TMEM229A: variants seen among roughly 807,000 people sequenced by gnomAD.
The protein encoded by TMEM229A is transmembrane protein 229A.
Under a neutral mutation model 30.0 loss-of-function variants are expected in TMEM229A, and 23 were observed. The observed-to-expected ratio is 0.77, with a 90% confidence interval of 0.55 to 1.09. TMEM229A has a LOEUF of 1.09. TMEM229A is among the 50% of genes least tolerant of loss of function. The probability of loss-of-function intolerance (pLI) is 0.00; values close to 1 mark genes in which losing one functional copy is unlikely to be tolerated. For missense variants in TMEM229A, 534 were observed against 525.9 expected (o/e 1.02, Z -0.15); for synonymous variants, 264 against 241.5 (o/e 1.09, Z -0.86).
Position 124,032,057 on chromosome 7 carries a change from A to C in TMEM229A, c.947T>G (p.Phe316Cys). ...TWKRVPIYVI[F>C]IYVWELSWGL... is the part of the protein sequence containing the mutation. ...CCAGGACAGCTCCCACACGTAGATG[A>C]AGATCACGTAGATGGGCACCCGCTT... The change falls in exon 1 of 1, where the codon TTC (phenylalanine) becomes TGC (cysteine). Residue 316 changes from phenylalanine to cysteine, a missense_variant. Physicochemically the swap from Phe to Cys is radical, Grantham distance 205. Transcript: ENST00000455783. The surrounding 1 kb of genome is among the most constrained non-coding windows in gnomAD (Gnocchi z 6.6). The C allele has an allele frequency of 6.4e-7, 1 of 1,551,658 alleles. No individual in the cohort carries two copies. Among genetic ancestry groups the C allele is most frequent in the African/African-American group, 1.4e-5 (1 of 73,128 alleles).
In TMEM229A at chr7:124,032,944, A is replaced by T. The variant is rs1300328697; in HGVS notation, c.60T>A (p.Arg20=). ...TTCCTGGCCCGCCAGGGGCCCCCGG[A>T]CGCCGCGCCGCGCCGCCCCTCCGTG... is the stretch of plus-strand genomic sequence containing the variant. ...GPARRGGAAR[R]PGAPGGPGSE... Residue 20 remains arginine, a synonymous_variant, in exon 1 of 1, where the codon CGT becomes CGA. Coordinates refer to ENST00000455783, the MANE Select transcript of TMEM229A (RefSeq NM_001136002.2). This position sits in a 1 kb window ranked among gnomAD's most constrained non-coding sequence, Gnocchi z 6.6. The T allele has an allele frequency of 1.6e-5, 21 of 1,340,916 alleles. No individual in the cohort carries two copies. The highest frequency in any genetic ancestry group is 1.8e-5 in the Non-Finnish European group (19 of 1,051,640). 83.1% of individuals were successfully genotyped at this position (1,340,916 alleles called of 1,614,324 possible).
In TMEM229A at chr7:124,031,653, A is replaced by G; in HGVS notation, c.*208T>C. 1 of 509,340 alleles carries G rather than the reference A, an allele frequency of 2.0e-6. No homozygotes were observed. Among genetic ancestry groups the G allele is most frequent in the Non-Finnish European group, 3.3e-6 (1 of 301,730 alleles). 31.6% of individuals were successfully genotyped at this position (509,340 alleles called of 1,614,324 possible). ...ATTGGCAAATAAAGTACTTTGAATT[A>G]TGTTTCGAGTAGTGTTTCAAAGTAT... On this transcript the variant is annotated 3_prime_UTR_variant, in exon 1 of 1. Coordinates refer to ENST00000455783, the MANE Select transcript of TMEM229A (RefSeq NM_001136002.2). The surrounding 1 kb of genome is among the most constrained non-coding windows in gnomAD (Gnocchi z 4.1).
chr7:124,032,071 G>T lies in TMEM229A; in HGVS notation c.933C>A (p.Pro311=). The T allele has an allele frequency of 2.6e-6, 4 of 1,551,714 alleles. No homozygotes were observed. In the East Asian group the frequency reaches 9.8e-5, roughly 38 times the overall value. ...ACACGTAGATGAAGATCACGTAGAT[G>T]GGCACCCGCTTCCAAGTGCCCCAAC... ...SRGWGTWKRV[P]IYVIFIYVWE... is the part of the protein sequence containing the mutation. The change falls in exon 1 of 1, where the codon CCC becomes CCA. Residue 311 remains proline (P), a synonymous_variant. Coordinates refer to ENST00000455783, the MANE Select transcript of TMEM229A (RefSeq NM_001136002.2). This position sits in a 1 kb window ranked among gnomAD's most constrained non-coding sequence, Gnocchi z 6.6.
At position 124,032,337 on chromosome 7, in the gene TMEM229A, G is replaced by T. The variant is rs778242647; in HGVS notation, c.667C>A (p.Arg223=). The T allele has an allele frequency of 5.2e-6, 8 of 1,542,856 alleles. No individual in the cohort carries two copies. The highest frequency in any genetic ancestry group is 7.0e-6 in the Non-Finnish European group (8 of 1,144,088). The part of the protein sequence containing the change: ...VPTAAGARRR[R]PRGPRGAGGA... ...CCGGCGCCCCTGGGGCCACGGGGTCGTCGCCGCCGGGCTCCGGCCGCAGTA... is the reference window on the plus strand; with the variant it reads ...CCGGCGCCCCTGGGGCCACGGGGTCTTCGCCGCCGGGCTCCGGCCGCAGTA... Residue 223 remains arginine, a synonymous_variant, in exon 1 of 1, where the codon CGA becomes AGA. Transcript: ENST00000455783. The surrounding 1 kb of genome is among the most constrained non-coding windows in gnomAD (Gnocchi z 6.6).
In TMEM229A at chr7:124,032,569, G is replaced by T; in HGVS notation, c.435C>A (p.Gly145=). Residue 145 remains glycine, a synonymous_variant, in exon 1 of 1, where the codon GGC becomes GGA. Coordinates refer to ENST00000455783, the MANE Select transcript of TMEM229A (RefSeq NM_001136002.2). This position sits in a 1 kb window ranked among gnomAD's most constrained non-coding sequence, Gnocchi z 6.6. ...LAGQALLLSL[G]GGAGVAVAPG... is the part of the protein sequence containing the mutation. The stretch of plus-strand genomic sequence containing the variant: ...GCGCCACCGCGACCCCCGCCCCGCC[G>T]CCCAGGCTGAGTAGTAGCGCCTGGC... 2 of 1,549,458 alleles carry T rather than the reference G, an allele frequency of 1.3e-6. No homozygotes were observed. The highest frequency in any genetic ancestry group is 1.7e-6 in the Non-Finnish European group (2 of 1,145,878).
At position 124,032,497 on chromosome 7, in the gene TMEM229A, G is replaced by C; in HGVS notation, c.507C>G (p.His169Gln). Reference protein sequence around the residue: ...LALQYVLALYHCQVFLKRFLR... With the variant: ...LALQYVLALYQCQVFLKRFLR... ...GGAAGCGCTTCAGGAACACTTGGCA[G>C]TGGTAGAGCGCCAGCACGTACTGCA... Residue 169 changes from histidine (H) to glutamine (Q), a missense_variant, in exon 1 of 1, where the codon CAC becomes CAG. Coordinates refer to ENST00000455783, the MANE Select transcript of TMEM229A (RefSeq NM_001136002.2). This position sits in a 1 kb window ranked among gnomAD's most constrained non-coding sequence, Gnocchi z 6.6. 1 of 1,550,222 alleles carries C rather than the reference G, an allele frequency of 6.5e-7. No homozygotes were observed. The highest frequency in any genetic ancestry group is 8.7e-7 in the Non-Finnish European group (1 of 1,146,626).
rs1563049851 is a variant in TMEM229A, at chr7:124,032,113, G to A, written c.891C>T (p.His297=). 1.9e-6 allele frequency: 3 copies of A among 1,551,628 alleles called. No homozygotes were observed. The highest frequency in any genetic ancestry group is 1.4e-5 in the African/African-American group (1 of 73,052). The part of the protein sequence containing the change: ...CSFVVEKLYF[H]LHYSRGWGTW... ...TGCCCCAACCGCGGCTGTAGTGGAG[G>A]TGGAAGTAGAGCTTTTCCACCACGA... is the stretch of plus-strand genomic sequence containing the variant. Residue 297 remains histidine, a synonymous_variant, in exon 1 of 1, where the codon CAC becomes CAT. Coordinates refer to ENST00000455783, the MANE Select transcript of TMEM229A (RefSeq NM_001136002.2). The surrounding 1 kb of genome is among the most constrained non-coding windows in gnomAD (Gnocchi z 6.6).
rs1464827486 is a variant in TMEM229A, at chr7:124,031,896, C to T, written c.1108G>A (p.Val370Met). 1.7e-5 allele frequency: 26 copies of T among 1,551,396 alleles called. No individual in the cohort carries two copies. The highest frequency in any genetic ancestry group is 5.9e-5 in the Admixed American group (3 of 50,966). The change falls in exon 1 of 1, where the codon GTG becomes ATG. Residue 370 changes from valine to methionine, a missense_variant. By Grantham distance (21) the Val-to-Met change is conservative. Coordinates refer to ENST00000455783, the MANE Select transcript of TMEM229A (RefSeq NM_001136002.2). This position sits in a 1 kb window ranked among gnomAD's most constrained non-coding sequence, Gnocchi z 4.1. ...GGTACGTACTGCACCCTCCACAACA[C>T]GTTGGAAATTAGGTCCTGGTACACA... ...LSVYQDLISN[V>M]LWRVQYVPAN is the part of the protein sequence containing the mutation.
chr7:124,032,528 A>G lies in TMEM229A; in HGVS notation c.476T>C (p.Leu159Pro). 6.5e-7 allele frequency: 1 copy of G among 1,549,714 alleles called. No homozygotes were observed. The highest frequency in any genetic ancestry group is 8.7e-7 in the Non-Finnish European group (1 of 1,146,188). The change falls in exon 1 of 1, where the codon CTG becomes CCG. Residue 159 changes from leucine (L) to proline (P), a missense_variant. Physicochemically the swap from Leu to Pro is moderately conservative, Grantham distance 98. Transcript: ENST00000455783. The surrounding 1 kb of genome is among the most constrained non-coding windows in gnomAD (Gnocchi z 6.6). The part of the protein sequence containing the change: ...GVAVAPGALD[L>P]ALQYVLALYH... Reference sequence around the variant, plus strand: ...GAGCGCCAGCACGTACTGCAGCGCCAGGTCCAGCGCCCCTGGCGCCACCGC... The same window carrying G: ...GAGCGCCAGCACGTACTGCAGCGCCGGGTCCAGCGCCCCTGGCGCCACCGC...
rs751576880 is a variant in TMEM229A, at chr7:124,032,161, G to C, written c.843C>G (p.Phe281Leu). The C allele has an allele frequency of 8.4e-6, 13 of 1,551,710 alleles. No individual in the cohort carries two copies. Among genetic ancestry groups the C allele is most frequent in the Non-Finnish European group, 1.1e-5 (13 of 1,147,036 alleles). ...CGAAACTGCAGCTGCCGTACATAAA[G>C]AAGGACCAGAGCGACGTGTGGCCGC... ...TTSGHTSLWSFFMYGSCSFVV... is the reference protein window; with the variant it reads ...TTSGHTSLWSLFMYGSCSFVV... Residue 281 changes from phenylalanine (F) to leucine (L), a missense_variant, in exon 1 of 1, where the codon TTC becomes TTG. Transcript: ENST00000455783. This position sits in a 1 kb window ranked among gnomAD's most constrained non-coding sequence, Gnocchi z 6.6.
In TMEM229A at chr7:124,031,962, G is replaced by A. The variant is rs1483262895; in HGVS notation, c.1042C>T (p.Leu348Phe). 4 of 1,551,482 alleles carry A rather than the reference G, an allele frequency of 2.6e-6. No homozygotes were observed. Among genetic ancestry groups the A allele is most frequent in the Non-Finnish European group, 3.5e-6 (4 of 1,146,980 alleles). Residue 348 changes from leucine to phenylalanine, a missense_variant, in exon 1 of 1, where the codon CTC becomes TTC. Leu to Phe is a conservative substitution (Grantham distance 22). Transcript: ENST00000455783. This position sits in a 1 kb window ranked among gnomAD's most constrained non-coding sequence, Gnocchi z 4.1. ...CCAGGTAAATACATCAGGGTGATGA[G>A]GCCCATAAAATTGAGCGGGTAGTGA... ...YSHYPLNFMG[L>F]ITLMYLPGWI... is the part of the protein sequence containing the mutation.
At position 124,031,713 on chromosome 7, in the gene TMEM229A, G is replaced by A; in HGVS notation, c.*148C>T. On this transcript the variant is annotated 3_prime_UTR_variant, in exon 1 of 1. Coordinates refer to ENST00000455783, the MANE Select transcript of TMEM229A (RefSeq NM_001136002.2). This position sits in a 1 kb window ranked among gnomAD's most constrained non-coding sequence, Gnocchi z 4.1. ...GGGTTTCAAATAGAAAAACTAAAAG[G>A]TGGAATAAAACAATTTGGAAGAGTT... 2.5e-6 allele frequency: 2 copies of A among 797,028 alleles called. No homozygotes were observed. The highest frequency in any genetic ancestry group is 3.7e-6 in the Non-Finnish European group (2 of 535,402). 49.4% of individuals were successfully genotyped at this position (797,028 alleles called of 1,614,324 possible). A position where few individuals can be genotyped will look rare whatever the true frequency, so the allele number is the denominator to read the frequency against.
In TMEM229A at chr7:124,032,055, T is replaced by C; in HGVS notation, c.949A>G (p.Ile317Val). The change falls in exon 1 of 1, where the codon ATC (isoleucine) becomes GTC (valine). Residue 317 changes from isoleucine (I) to valine (V), a missense_variant. Physicochemically the swap from Ile to Val is conservative, Grantham distance 29 (BLOSUM62 3). Coordinates refer to ENST00000455783, the MANE Select transcript of TMEM229A (RefSeq NM_001136002.2). This position sits in a 1 kb window ranked among gnomAD's most constrained non-coding sequence, Gnocchi z 6.6. Reference sequence around the variant, plus strand: ...CCCCAGGACAGCTCCCACACGTAGATGAAGATCACGTAGATGGGCACCCGC... The same window carrying C: ...CCCCAGGACAGCTCCCACACGTAGACGAAGATCACGTAGATGGGCACCCGC... ...WKRVPIYVIF[I>V]YVWELSWGLG... 1 of 1,551,592 alleles carries C rather than the reference T, an allele frequency of 6.4e-7. No individual in the cohort carries two copies. Among genetic ancestry groups the C allele is most frequent in the Non-Finnish European group, 8.7e-7 (1 of 1,146,972 alleles).
chr7:124,032,725 G>T lies in TMEM229A; in HGVS notation c.279C>A (p.Arg93=). 1.3e-6 allele frequency: 2 copies of T among 1,551,484 alleles called. No homozygotes were observed. The highest frequency in any genetic ancestry group is 1.7e-6 in the Non-Finnish European group (2 of 1,146,894). ...LRMLGFSSPY[R]CLLHSLTHFA... The stretch of plus-strand genomic sequence containing the variant: ...AATGGGTGAGCGAGTGCAGCAGGCA[G>T]CGGTAGGGCGAGGAGAAGCCTAGCA... Residue 93 remains arginine, a synonymous_variant, in exon 1 of 1, where the codon CGC becomes CGA. Transcript: ENST00000455783. This position sits in a 1 kb window ranked among gnomAD's most constrained non-coding sequence, Gnocchi z 6.6.
In TMEM229A at chr7:124,030,937, G is replaced by C. The variant is rs1793126852; in HGVS notation, c.*924C>G. The C allele has an allele frequency of 6.6e-6, 1 of 152,170 alleles. No individual in the cohort carries two copies. Among genetic ancestry groups the C allele is most frequent in the African/African-American group, 2.4e-5 (1 of 41,434 alleles). The allele number at this position is 152,170 out of a possible 1,614,324, so 9.4% of individuals were successfully genotyped here. On this transcript the variant is annotated 3_prime_UTR_variant, in exon 1 of 1. Coordinates refer to ENST00000455783, the MANE Select transcript of TMEM229A (RefSeq NM_001136002.2). The stretch of plus-strand genomic sequence containing the variant: ...TTAATGTAATTAGAGTGAACATTCA[G>C]GTTCATTTTATTCAAAGGTAATGTT...
In TMEM229A at chr7:124,032,581, T is replaced by C; in HGVS notation, c.423A>G (p.Leu141=). Residue 141 remains leucine (L), a synonymous_variant, in exon 1 of 1, where the codon CTA becomes CTG. Coordinates refer to ENST00000455783, the MANE Select transcript of TMEM229A (RefSeq NM_001136002.2). The surrounding 1 kb of genome is among the most constrained non-coding windows in gnomAD (Gnocchi z 6.6). ...CCCCCGCCCCGCCGCCCAGGCTGAG[T>C]AGTAGCGCCTGGCCCGCTAGGGTCT... ...GLQTLAGQAL[L]LSLGGGAGVA... The C allele has an allele frequency of 6.5e-7, 1 of 1,548,116 alleles. No homozygotes were observed. Among genetic ancestry groups the C allele is most frequent in the Non-Finnish European group, 8.7e-7 (1 of 1,145,502 alleles).
chr7:124,032,004 A>G lies in TMEM229A; in HGVS notation c.1000T>C (p.Cys334Arg). Residue 334 changes from cysteine to arginine, a missense_variant, in exon 1 of 1, where the codon TGT becomes CGT. Cys to Arg is a radical substitution (Grantham distance 180). Coordinates refer to ENST00000455783, the MANE Select transcript of TMEM229A (RefSeq NM_001136002.2). The surrounding 1 kb of genome is among the most constrained non-coding windows in gnomAD (Gnocchi z 6.6). ...WGLGLRTCGA[C>R]SWDYSHYPLN... ...GGGTAGTGAGAATAGTCCCAGGAAC[A>G]AGCCCCGCACGTGCGGAGTCCCAGA... 6.4e-7 allele frequency: 1 copy of G among 1,551,694 alleles called. No homozygotes were observed. Among genetic ancestry groups the G allele is most frequent in the Non-Finnish European group, 8.7e-7 (1 of 1,146,998 alleles).
chr7:124,031,790 G>T lies in TMEM229A; in HGVS notation c.*71C>A. 7.1e-7 allele frequency: 1 copy of T among 1,405,966 alleles called. No individual in the cohort carries two copies. The highest frequency in any genetic ancestry group is 9.4e-7 in the Non-Finnish European group (1 of 1,064,860). 87.1% of individuals were successfully genotyped at this position (1,405,966 alleles called of 1,614,324 possible). On this transcript the variant is annotated 3_prime_UTR_variant, in exon 1 of 1. Transcript: ENST00000455783. The surrounding 1 kb of genome is among the most constrained non-coding windows in gnomAD (Gnocchi z 4.1). ...CTAAAAAACCCACTTCATTTTAAAT[G>T]TGTAAAAATAAATCGCATCCATTCG...
In TMEM229A at chr7:124,031,796, A is replaced by G; in HGVS notation, c.*65T>C. ...AACCCACTTCATTTTAAATGTGTAA[A>G]AATAAATCGCATCCATTCGTGGGAA... On this transcript the variant is annotated 3_prime_UTR_variant, in exon 1 of 1. Coordinates refer to ENST00000455783, the MANE Select transcript of TMEM229A (RefSeq NM_001136002.2). The surrounding 1 kb of genome is among the most constrained non-coding windows in gnomAD (Gnocchi z 4.1). The G allele has an allele frequency of 7.0e-7, 1 of 1,427,070 alleles. No individual in the cohort carries two copies. The allele number at this position is 1,427,070 out of a possible 1,614,324, so 88.4% of individuals were successfully genotyped here. A position where few individuals can be genotyped will look rare whatever the true frequency, so the allele number is the denominator to read the frequency against.
Sources: allele counts gnomAD v4.1 joint callset, GRCh38; gene constraint gnomAD v4.1.1; non-coding constraint Gnocchi (gnomAD v3.1); transcripts MANE v1.5; gene names NCBI Gene and HGNC (gene_info 2026-07-23, HGNC 2026-07-21).